Variants in CYFIP1 observed in about 807,000 individuals in gnomAD.
CYFIP1 encodes cytoplasmic FMR1-interacting protein 1.
In CYFIP1, 58 loss-of-function variants were observed where a neutral mutation model predicts 163.5. The ratio of observed to expected loss-of-function variants is 0.35; its 90% CI spans 0.29 to 0.44. The LOEUF (loss-of-function observed/expected upper bound fraction) is 0.44, where lower values mean the gene tolerates loss of function less well. Ranked by LOEUF, CYFIP1 falls within the 20% of genes least tolerant of loss-of-function variation. The pLI, the probability that CYFIP1 is intolerant of heterozygous loss-of-function variation, is 1.00. For missense variants in CYFIP1, 1,338 were observed against 1,653.8 expected, an observed-to-expected ratio of 0.81 and a Z score of 3.31; for synonymous variants, 663 against 660.7, an observed-to-expected ratio of 1.00 and a Z score of -0.05.
At chr15:22,925,398 T>G (rs2061326502) in intron 13 of CYFIP1, among the ~76,000 whole-genome samples, 1 of 152,156 alleles carries the variant, frequency 6.6e-6, no homozygotes, top group Non-Finnish European at 1.5e-5. Context: ...ACATGCATTG[T>G]CACGTGACCA....
intron 11 of CYFIP1, among the ~76,000 whole-genome samples, chr15:22,930,207 C>T (rs2061492347): frequency 1.3e-5 from 2 of 150,366 alleles, no homozygotes; most frequent in Admixed American, 1.3e-4. Context: ...ACAAAAAACA[C>T]ACACAAAAAA....
chr15:22,955,354 G>A (rs937994606), intron 1 of CYFIP1, among the ~76,000 whole-genome samples: 1 of 152,218 alleles, frequency 6.6e-6, no homozygotes, highest in Non-Finnish European at 1.5e-5. Context: ...CTGACCCAGT[G>A]CCGGGTGCCC....
At chr15:22,945,598 G>A (rs1297531283) in intron 3 of CYFIP1, among the ~76,000 whole-genome samples, 1 of 146,704 alleles carries the variant, frequency 6.8e-6, no homozygotes, top group African/African-American at 2.5e-5. Context: ...TTTTTGAGAC[G>A]AGTCTTGCTC....
intron 12 of CYFIP1, 136 bp from the exon 13 acceptor site, chr15:22,926,243 C>T (rs2061353601): frequency 5.5e-6 from 7 of 1,271,488 alleles, no homozygotes; most frequent in East Asian, 4.7e-5. Context: ...CACATGAGGG[C>T]GCACACACCG....
At chr15:22,884,225 T>C (rs2059869578) in intron 23 of CYFIP1, among the ~76,000 whole-genome samples, 1 of 152,120 alleles carries the variant, frequency 6.6e-6, no homozygotes, top group East Asian at 1.9e-4. Context: ...ATTCCAGCAT[T>C]AATTCAAAAG....
At position 22,917,413 on chromosome 15, in the gene CYFIP1, A is replaced by T; in HGVS notation, c.1674+375T>A. 2 of 685,122 alleles carry T rather than the reference A, an allele frequency of 2.9e-6. No individual in the cohort carries two copies. Among genetic ancestry groups the T allele is most frequent in the Non-Finnish European group, 4.2e-6 (2 of 477,514 alleles). The allele number at this position is 685,122 out of a possible 1,614,324, so 42.4% of individuals were successfully genotyped here. On this transcript the variant is annotated intron_variant, in intron 15 of 30. Coordinates refer to ENST00000617928, the MANE Select transcript of CYFIP1 (RefSeq NM_014608.6). The surrounding 1 kb of genome is among the most constrained non-coding windows in gnomAD (Gnocchi z 4.2). ...ATGACACACGCAAGCAGCACCTCAC[A>T]GTTTCCCACGCCCCATCTACAGTCA...
At chr15:22,979,563 C>G (rs928379124) in intron 1 of CYFIP1, among the ~76,000 whole-genome samples, 1 of 152,202 alleles carries the variant, frequency 6.6e-6, no homozygotes, top group Non-Finnish European at 1.5e-5. Context: ...CGTCCAGACG[C>G]CCCTCTCAGC....
At chr15:22,883,683 G>T (rs1384933454) in intron 23 of CYFIP1, among the ~76,000 whole-genome samples, 1 of 151,910 alleles carries the variant, frequency 6.6e-6, no homozygotes, top group Admixed American at 6.6e-5. Context: ...CGGGCGTGGT[G>T]GCAGGTGCCT....
At position 22,920,108 on chromosome 15, in the gene CYFIP1, CAAAAA is replaced by C. The variant is rs571055489; in HGVS notation, c.1360-1255_1360-1251del. Reference sequence around the variant, plus strand: ...TAAAAAAAAACAAAAAACAAACAAACAAAAAAAACCTTTTGAAATTAAGTATTTGA... The same window carrying C: ...TAAAAAAAAACAAAAAACAAACAAACAAACCTTTTGAAATTAAGTATTTGA... On this transcript the variant is annotated intron_variant, in intron 13 of 30. Transcript: ENST00000617928. Among the ~76,000 whole-genome samples the C allele has an allele frequency of 2.1e-5, 3 of 144,744 alleles. No individual in the cohort carries two copies. The South Asian group carries it at 6.6e-4, about 32-fold the overall frequency. The allele number at this position is 144,744 out of a possible 152,430, so 95.0% of individuals were successfully genotyped here.
At chr15:22,891,704 T>C (rs2060088601) in intron 23 of CYFIP1, among the ~76,000 whole-genome samples, 1 of 152,210 alleles carries the variant, frequency 6.6e-6, no homozygotes, top group South Asian at 2.1e-4. Context: ...GTGTTTGCCG[T>C]TTCCCAGGTG....
chr15:22,900,384 G>A (rs1311761282), intron 22 of CYFIP1, among the ~76,000 whole-genome samples: 1 of 150,220 alleles, frequency 6.7e-6, no homozygotes, highest in Admixed American at 6.7e-5. Context: ...AACCGTAAGA[G>A]AATAAATTTC....
intron 9 of CYFIP1, among the ~76,000 whole-genome samples, 165 bp downstream of exon 9, chr15:22,936,939 G>C (rs945393464): frequency 6.6e-6 from 1 of 152,152 alleles, no homozygotes; most frequent in African/African-American, 2.4e-5. Context: ...CAAAAGGAAA[G>C]AGAAAGCGCG....
intron 11 of CYFIP1, among the ~76,000 whole-genome samples, chr15:22,930,370 A>G (rs1407265792): frequency 6.8e-6 from 1 of 146,370 alleles, no homozygotes; most frequent in African/African-American, 2.5e-5. Flanking sequence ...TGGGCGACAC[A>G]GCAAGACTCC....
chr15:22,974,623 G>A (rs2063206969), intron 1 of CYFIP1, among the ~76,000 whole-genome samples: 1 of 152,002 alleles, frequency 6.6e-6, no homozygotes, highest in African/African-American at 2.4e-5. Flanking sequence ...CCAGGTACTT[G>A]GGAAGCTGAG....
chr15:22,940,329 C>A (rs2061856361), intron 6 of CYFIP1, among the ~76,000 whole-genome samples: 1 of 152,188 alleles, frequency 6.6e-6, no homozygotes, highest in Admixed American at 6.5e-5. Flanking sequence ...TTCCAGGGAG[C>A]CCCACACATT....
intron 21 of CYFIP1, chr15:22,905,481 CCT>C (rs1189886217): frequency 6.8e-6 from 1 of 147,730 alleles, no homozygotes; most frequent in Admixed American, 7.1e-5. Context: ...AAAAATGTTC[CCT>C]CTTTTCATTC....
chr15:22,973,311 C>CAAAAAAA (rs397761069), intron 1 of CYFIP1, among the ~76,000 whole-genome samples: 3 of 71,786 alleles, frequency 4.2e-5, no homozygotes, highest in Non-Finnish European at 7.9e-5. Flanking sequence ...GAGACCTTGT[C>CAAAAAAA]AAAAAAAAAA....
At chr15:22,931,847 C>T (rs1386415457) in intron 11 of CYFIP1, among the ~76,000 whole-genome samples, 1 of 151,996 alleles carries the variant, frequency 6.6e-6, no homozygotes, top group Non-Finnish European at 1.5e-5. Flanking sequence ...GATTATAATA[C>T]CATCTTTTCA....
At chr15:22,902,005 AAGTGTCCCC>A (rs974733764) in intron 22 of CYFIP1, among the ~76,000 whole-genome samples, 1 of 152,098 alleles carries the variant, frequency 6.6e-6, no homozygotes, top group Non-Finnish European at 1.5e-5. Flanking sequence ...ATCACACCTC[AAGTGTCCCC>A]AGGCACCAGG....
Sources: allele counts gnomAD v4.1 joint callset (sites outside exome capture counted in the v4.1 genomes callset), GRCh38; gene constraint gnomAD v4.1.1; non-coding constraint Gnocchi (gnomAD v3.1); transcripts MANE v1.5; gene names NCBI Gene and HGNC (gene_info 2026-07-23, HGNC 2026-07-21).